SPTA1: variants seen among roughly 807,000 people sequenced by gnomAD.
SPTA1 encodes spectrin alpha chain, erythrocytic 1.
SPTA1 carries 177 observed loss-of-function variants against 324.7 expected under a neutral mutation model. That is an observed-to-expected ratio of 0.55 (90% confidence interval 0.48 to 0.62). The LOEUF (loss-of-function observed/expected upper bound fraction) is 0.62, where lower values mean the gene tolerates loss of function less well. Ranked by LOEUF, SPTA1 falls within the 20% of genes least tolerant of loss-of-function variation. The pLI, the probability that SPTA1 is intolerant of heterozygous loss-of-function variation, is 0.00. For synonymous variants in SPTA1, 1,195 were observed against 1,041.3 expected, an observed-to-expected ratio of 1.15 and a Z score of -2.84; for missense variants, 3,162 against 2,883.6, an observed-to-expected ratio of 1.10 and a Z score of -2.21.
intron 16 of SPTA1, among the ~76,000 whole-genome samples, chr1:158,665,760 G>A (rs898959875): frequency 6.6e-6 from 1 of 152,046 alleles, no homozygotes. Flanking sequence ...AAAAAATGTA[G>A]GATTTAAAAT....
intron 39 of SPTA1, among the ~76,000 whole-genome samples, chr1:158,632,603 T>C (rs1650760958): frequency 6.6e-6 from 1 of 152,182 alleles, no homozygotes; most frequent in South Asian, 2.1e-4. Context: ...TGAGCTACAA[T>C]GAGGTATCAC....
chr1:158,645,198 A>G lies in SPTA1; in HGVS notation c.4184T>C (p.Leu1395Pro). ...GGAAATTTGCTGTACCTGCAACTCCAGGCACTGGTCTAGGATCTTCTTGCG... is the reference window on the plus strand; with the variant it reads ...GGAAATTTGCTGTACCTGCAACTCCGGGCACTGGTCTAGGATCTTCTTGCG... The part of the protein sequence containing the change: ...EKRKKILDQC[L>P]ELQMFQGNCD... The change falls in exon 29 of 52, where the codon CTG becomes CCG. Residue 1395 changes from leucine to proline, a missense_variant. Transcript: ENST00000643759. The G allele has an allele frequency of 1.2e-6, 2 of 1,613,858 alleles. No individual in the cohort carries two copies. Among genetic ancestry groups the G allele is most frequent in the East Asian group, 2.2e-5 (1 of 44,882 alleles).
rs762129635 is a variant in SPTA1 at position 158,613,860 on chromosome 1, CAA to C, written c.6848_6849del (p.Phe2283Ter). The C allele has an allele frequency of 6.2e-7, 1 of 1,613,626 alleles. No individual in the cohort carries two copies. The highest frequency in any genetic ancestry group is 8.5e-7 in the Non-Finnish European group (1 of 1,179,866). On this transcript the variant is annotated frameshift_variant, in exon 50 of 52. Coordinates refer to ENST00000643759, the MANE Select transcript of SPTA1 (RefSeq NM_003126.4). LOFTEE classifies it high-confidence loss of function. The stretch of plus-strand genomic sequence containing the variant: ...GTCAGGCGCCCTGTCAAATTCTCAT[CAA>C]AGTGTCTAAAGGATAAAAAAAGAAA... ...LKEFSTIYKH[F>X]DENLTGRLTH...
chr1:158,640,491 G>A (rs1268530483), intron 33 of SPTA1, among the ~76,000 whole-genome samples: 1 of 152,088 alleles, frequency 6.6e-6, no homozygotes, highest in Non-Finnish European at 1.5e-5. Context: ...CAAAATCAAT[G>A]TGTAAAAATC....
chr1:158,680,846 A>C, intron 4 of SPTA1, 117 bp from the exon 5 acceptor site: 1 of 1,367,652 alleles, frequency 7.3e-7, no homozygotes, highest in South Asian at 1.2e-5. Flanking sequence ...ACTGGGGGAG[A>C]CTGGGAGAAG....
intron 46 of SPTA1, 59 bp from the exon 47 acceptor site, chr1:158,617,647 T>C (rs1649636660): frequency 1.4e-6 from 2 of 1,465,280 alleles, no homozygotes; most frequent in East Asian, 2.3e-5. Context: ...ATTTCATACA[T>C]GCATACCAAC....
chr1:158,665,782 T>C (rs1034189233), intron 16 of SPTA1, among the ~76,000 whole-genome samples: 1 of 152,170 alleles, frequency 6.6e-6, no homozygotes, highest in Non-Finnish European at 1.5e-5. Context: ...TTTTTAAGCT[T>C]TGAATCACAG....
chr1:158,621,315 T>G (rs530680181), intron 43 of SPTA1, among the ~76,000 whole-genome samples: 9 of 152,318 alleles, frequency 5.9e-5, no homozygotes, highest in Admixed American at 5.9e-4. Context: ...GAATTTTTCA[T>G]TCCCAAATAC....
chr1:158,642,556 G>A lies in SPTA1; in HGVS notation c.4606-14C>T, dbSNP rs1203982535. 10 of 1,613,242 alleles carry A rather than the reference G, an allele frequency of 6.2e-6. No homozygotes were observed. Among genetic ancestry groups the A allele is most frequent in the Non-Finnish European group, 8.5e-6 (10 of 1,179,492 alleles). On this transcript the variant is annotated splice_polypyrimidine_tract_variant and intron_variant, in intron 32 of 51. Coordinates refer to ENST00000643759, the MANE Select transcript of SPTA1 (RefSeq NM_003126.4). ...CAGGTATTTCCTCTGAAGGGAAAAT[G>A]AAACAGAAATTATATTATCTTTTTA...
chr1:158,683,788 AT>A (rs35379131), intron 2 of SPTA1, among the ~76,000 whole-genome samples: 46,195 of 151,260 alleles, frequency 0.31, 8,249 homozygotes, highest in East Asian at 0.39. Flanking sequence ...GGAATAACTG[AT>A]TTTTTTTTGG....
chr1:158,652,725 CAT>C, intron 22 of SPTA1, 72 bp from the exon 23 acceptor site: 3 of 1,541,008 alleles, frequency 1.9e-6, no homozygotes, highest in Non-Finnish European at 2.7e-6. Flanking sequence ...GAGTGACAAA[CAT>C]AGAGAAAGAA....
chr1:158,650,373 G>A (rs566265522), intron 24 of SPTA1, among the ~76,000 whole-genome samples: 9 of 152,212 alleles, frequency 5.9e-5, no homozygotes, highest in South Asian at 2.1e-4. Context: ...GTTCCGCTTC[G>A]TATTTCTTCA....
At chr1:158,641,661 C>T (rs574379200) in intron 33 of SPTA1, among the ~76,000 whole-genome samples, 1 of 152,150 alleles carries the variant, frequency 6.6e-6, no homozygotes, top group East Asian at 1.9e-4. Flanking sequence ...CAGGAAACAA[C>T]AGGTGCTGGA....
rs1311373969 is a variant in SPTA1, at chr1:158,642,809, C to T, written c.4605+5G>A. 2 of 1,613,746 alleles carry T rather than the reference C, an allele frequency of 1.2e-6. No individual in the cohort carries two copies. The highest frequency in any genetic ancestry group is 1.7e-5 in the Admixed American group (1 of 59,984). ...AATTTTCCAAGATTCCTATTTTGAACTTGCCTGAATGTTAGTGGCGTCTTT... is the reference window on the plus strand; with the variant it reads ...AATTTTCCAAGATTCCTATTTTGAATTTGCCTGAATGTTAGTGGCGTCTTT... On this transcript the variant is annotated splice_donor_5th_base_variant and intron_variant, in intron 32 of 51. Transcript: ENST00000643759.
At chr1:158,636,555 T>C (rs893573230) in intron 37 of SPTA1, 86 bp downstream of exon 37, 43 of 1,504,380 alleles carry the variant, frequency 2.9e-5, no homozygotes, top group Non-Finnish European at 3.9e-5. Flanking sequence ...ATTTTCACGT[T>C]TTGTAGCACC....
chr1:158,656,479 A>G, intron 20 of SPTA1, 85 bp downstream of exon 20: 1 of 1,287,542 alleles, frequency 7.8e-7, no homozygotes, highest in Non-Finnish European at 1.1e-6. Flanking sequence ...TTGGGGTTGT[A>G]GAAAGTAAAA....
In SPTA1 at chr1:158,623,910, G is replaced by T. The variant is rs1332104295; in HGVS notation, c.5911-718C>A. 2.0e-5 allele frequency among the ~76,000 whole-genome samples: 3 copies of T among 152,322 alleles called. No individual in the cohort carries two copies. In the East Asian group the frequency reaches 5.8e-4, roughly 29 times the overall value. On this transcript the variant is annotated intron_variant, in intron 42 of 51. Coordinates refer to ENST00000643759, the MANE Select transcript of SPTA1 (RefSeq NM_003126.4). ...CTGGGCCCAGGGCTCCCTGATTTGT[G>T]TAGCCTAGTGACTTGGTGCTCTGCA...
At chr1:158,632,364 C>A (rs1444668707) in intron 39 of SPTA1, among the ~76,000 whole-genome samples, 1 of 152,098 alleles carries the variant, frequency 6.6e-6, no homozygotes, top group Non-Finnish European at 1.5e-5. Context: ...TTCTATACAG[C>A]CTACAACATT....
chr1:158,666,489 ACTGGGTCC>A lies in SPTA1; in HGVS notation c.2039_2046del (p.Gly680ValfsTer3). On this transcript the variant is annotated frameshift_variant and splice_region_variant, in exon 16 of 52. Transcript: ENST00000643759. LOFTEE classifies it high-confidence loss of function. ...TGCAGCTGCTGGTTGGCCTCATGCA[ACTGGGTCC>A]CTGGGAGAAGACATAAGGTAGAAGA... 1.2e-6 allele frequency: 2 copies of A among 1,608,708 alleles called. No homozygotes were observed. Among genetic ancestry groups the A allele is most frequent in the Non-Finnish European group, 1.7e-6 (2 of 1,179,922 alleles).
Sources: gnomAD v4.1 joint callset for allele counts (sites outside exome capture counted in the v4.1 genomes callset) on GRCh38, gnomAD v4.1.1 for gene constraint, MANE v1.5 for transcripts, NCBI Gene and HGNC (gene_info 2026-07-23, HGNC 2026-07-21) for gene names.